Variants in PCDHGA5 observed in about 807,000 individuals in gnomAD.
PCDHGA5 encodes the protein protocadherin gamma subfamily A, 5, also known as protocadherin gamma-A5.
Under a neutral mutation model 56.7 loss-of-function variants are expected in PCDHGA5, and 36 were observed. The observed-to-expected ratio is 0.64, with a 90% CI of 0.49 to 0.84. The LOEUF (loss-of-function observed/expected upper bound fraction) is 0.84. Among genes scored for constraint, PCDHGA5 ranks in the 40% least tolerant of loss-of-function variants. The pLI is 0.00. For synonymous variants in PCDHGA5, 563 were observed against 520.2 expected, an observed-to-expected ratio of 1.08 and a Z score of -1.12; for missense variants, 1,305 against 1,201.5, an observed-to-expected ratio of 1.09 and a Z score of -1.27.
chr5:141,463,424 CT>C (rs2099058999), intron 1 of PCDHGA5, among the ~76,000 whole-genome samples: 1 of 148,698 alleles, frequency 6.7e-6, no homozygotes, highest in Non-Finnish European at 1.5e-5. Flanking sequence ...TTTGCGGATC[CT>C]CATTTCCTTC....
Position 141,374,498 on chromosome 5 carries a change from G to GA in PCDHGA5, c.2421+7749dup, listed in dbSNP as rs1265465509. Reference sequence around the variant, plus strand: ...ACCCCGATTCTTAAAGGAAGAATTGGAAGTGAAAATTCTCGAAAACGCAGC... The same window carrying GA: ...ACCCCGATTCTTAAAGGAAGAATTGGAAAGTGAAAATTCTCGAAAACGCAGC... On this transcript the variant is annotated intron_variant, in intron 1 of 3. Transcript: ENST00000518069. 3 of 1,611,504 alleles carry GA rather than the reference G, an allele frequency of 1.9e-6. No homozygotes were observed. The South Asian group carries it at 3.3e-5, about 18-fold the overall frequency.
intron 1 of PCDHGA5, chr5:141,421,627 T>C: frequency 6.2e-7 from 1 of 1,613,846 alleles, no homozygotes; most frequent in Non-Finnish European, 8.5e-7. Context: ...CGCCCCCAGC[T>C]TCCAGGAGGA....
At chr5:141,374,154 G>T (rs376984494) in intron 1 of PCDHGA5, 4 of 1,611,790 alleles carry the variant, frequency 2.5e-6, no homozygotes, top group Non-Finnish European at 3.4e-6. Flanking sequence ...GGGACGCTGT[G>T]GGGGGCCGCG....
At chr5:141,433,208 C>T (rs780155661) in intron 1 of PCDHGA5, 90 of 1,293,816 alleles carry the variant, frequency 7.0e-5, no homozygotes, top group Middle Eastern at 5.9e-4. Flanking sequence ...AATCTTCTTT[C>T]TTTTTTTTTT....
chr5:141,506,506 C>T (rs1279198463), intron 3 of PCDHGA5, among the ~76,000 whole-genome samples: 2 of 151,030 alleles, frequency 1.3e-5, no homozygotes. Context: ...GATTCAAATC[C>T]TGGCACCTGG....
intron 1 of PCDHGA5, chr5:141,422,968 C>A (rs766010601): frequency 6.2e-7 from 1 of 1,614,240 alleles, no homozygotes; most frequent in Non-Finnish European, 8.5e-7. Context: ...GCTGGCGCCC[C>A]GCTCTGCGGA....
At chr5:141,388,887 G>T (rs1445900617) in intron 1 of PCDHGA5, 1 of 1,613,988 alleles carries the variant, frequency 6.2e-7, no homozygotes, top group South Asian at 1.1e-5. Context: ...GGAGGTAGAA[G>T]TCATAGATGA....
chr5:141,411,079 T>C (rs1178503371), intron 1 of PCDHGA5: 2 of 154,384 alleles, frequency 1.3e-5, no homozygotes, highest in African/African-American at 2.4e-5. Flanking sequence ...CAGAAACTCC[T>C]GTCCTCGTGA....
intron 1 of PCDHGA5, among the ~76,000 whole-genome samples, chr5:141,452,803 A>G (rs1045171800): frequency 2.6e-5 from 4 of 152,186 alleles, no homozygotes; most frequent in African/African-American, 9.7e-5. Context: ...TTTTTGCTGT[A>G]GTTTGTTCAT....
At chr5:141,459,910 A>G (rs2098977946) in intron 1 of PCDHGA5, among the ~76,000 whole-genome samples, 2 of 152,042 alleles carry the variant, frequency 1.3e-5, no homozygotes, top group Non-Finnish European at 1.5e-5. Context: ...GAGCTATGGG[A>G]GTTTTAAAAT....
At chr5:141,390,632 A>G in intron 1 of PCDHGA5, 1 of 240,428 alleles carries the variant, frequency 4.2e-6, no homozygotes, top group Admixed American at 5.1e-5. Context: ...ATATATGATG[A>G]ATACTTTTTT....
intron 1 of PCDHGA5, among the ~76,000 whole-genome samples, chr5:141,474,511 C>T (rs2099350824): frequency 6.6e-6 from 1 of 152,202 alleles, no homozygotes; most frequent in Non-Finnish European, 1.5e-5. Context: ...TATCAGCCCT[C>T]TTGCTGGTCT....
In PCDHGA5 at chr5:141,432,770, G is replaced by A. The variant is rs930442281; in HGVS notation, c.2422-62037G>A. The A allele has an allele frequency of 6.2e-7, 1 of 1,614,128 alleles. No individual in the cohort carries two copies. On this transcript the variant is annotated intron_variant, in intron 1 of 3. Coordinates refer to ENST00000518069, the MANE Select transcript of PCDHGA5 (RefSeq NM_018918.3). This position sits in a 1 kb window ranked among gnomAD's most constrained non-coding sequence, Gnocchi z 6.0. ...GGCCGTGGCCGACAGCATCCCCCAAGTCCTGGCGGACCTCGGCAGCCTCGA... is the reference window on the plus strand; with the variant it reads ...GGCCGTGGCCGACAGCATCCCCCAAATCCTGGCGGACCTCGGCAGCCTCGA...
At position 141,485,698 on chromosome 5, in the gene PCDHGA5, T is replaced by C. The variant is rs1175015922; in HGVS notation, c.2422-9109T>C. ...TTAGCAGCTATAGGCTGAGCTCCAA[T>C]GAACACTTTGCACTGGATGTGAAGA... On this transcript the variant is annotated intron_variant, in intron 1 of 3. Transcript: ENST00000518069. This position sits in a 1 kb window ranked among gnomAD's most constrained non-coding sequence, Gnocchi z 5.7. 6.2e-7 allele frequency: 1 copy of C among 1,613,994 alleles called. No homozygotes were observed. The highest frequency in any genetic ancestry group is 8.5e-7 in the Non-Finnish European group (1 of 1,180,002).
At chr5:141,397,255 T>C (rs1471539186) in intron 1 of PCDHGA5, among the ~76,000 whole-genome samples, 2 of 152,214 alleles carry the variant, frequency 1.3e-5, no homozygotes, top group Admixed American at 6.5e-5. Flanking sequence ...GGGTATATCA[T>C]TTCTTAGCTA....
intron 1 of PCDHGA5, among the ~76,000 whole-genome samples, chr5:141,457,656 G>T (rs2098926936): frequency 6.6e-6 from 1 of 152,244 alleles, no homozygotes; most frequent in Non-Finnish European, 1.5e-5. Context: ...ATGAAGTGCA[G>T]CAAGAATGGT....
intron 1 of PCDHGA5, chr5:141,409,515 T>C (rs1273041163): frequency 5.0e-6 from 8 of 1,613,844 alleles, no homozygotes; most frequent in Non-Finnish European, 6.8e-6. Context: ...AGTAGAAGCA[T>C]CACCTTGTAT....
rs964965013 is a variant in PCDHGA5 at position 141,489,097 on chromosome 5, C to G, written c.2422-5710C>G. The G allele has an allele frequency of 6.4e-6, 2 of 313,448 alleles. No homozygotes were observed. The highest frequency in any genetic ancestry group is 1.1e-4 in the South Asian group (2 of 18,596). 19.4% of individuals were successfully genotyped at this position (313,448 alleles called of 1,614,324 possible). The stretch of plus-strand genomic sequence containing the variant: ...ACCCCCGCCACTCGGTGACTAAGAA[C>G]TGCTGCAAGCAGGCAAACCTCCGAG... On this transcript the variant is annotated intron_variant, in intron 1 of 3. Coordinates refer to ENST00000518069, the MANE Select transcript of PCDHGA5 (RefSeq NM_018918.3). This position sits in a 1 kb window ranked among gnomAD's most constrained non-coding sequence, Gnocchi z 4.5.
rs774588043 is a variant in PCDHGA5, at chr5:141,365,090, A to T, written c.760A>T (p.Asn254Tyr). Reference sequence around the variant, plus strand: ...CGAGTACAGCGTGAGTGTTCCAGAGAACATACCTGTGGGCACTCGGCTGCT... The same window carrying T: ...CGAGTACAGCGTGAGTGTTCCAGAGTACATACCTGTGGGCACTCGGCTGCT... ...PSEYSVSVPE[N>Y]IPVGTRLLML... Residue 254 changes from asparagine to tyrosine, a missense_variant, in exon 1 of 4, where the codon AAC (asparagine) becomes TAC (tyrosine). By Grantham distance (143) the Asn-to-Tyr change is moderately radical. Coordinates refer to ENST00000518069, the MANE Select transcript of PCDHGA5 (RefSeq NM_018918.3). 1 of 1,613,830 alleles carries T rather than the reference A, an allele frequency of 6.2e-7. No homozygotes were observed. The highest frequency in any genetic ancestry group is 8.5e-7 in the Non-Finnish European group (1 of 1,179,862).
Sources: gnomAD v4.1 joint callset for allele counts (sites outside exome capture counted in the v4.1 genomes callset) on GRCh38, gnomAD v4.1.1 for gene constraint, Gnocchi (gnomAD v3.1) non-coding constraint, MANE v1.5 for transcripts, NCBI Gene and HGNC (gene_info 2026-07-23, HGNC 2026-07-21) for gene names.